The following MTUS2 variants were observed in gnomAD, a reference collection of about 807,000 sequenced individuals.
The protein encoded by MTUS2 is microtubule associated scaffold protein 2.
Under a neutral mutation model 114.1 loss-of-function variants are expected in MTUS2, and 40 were observed. The observed-to-expected ratio is 0.35, with a 90% CI of 0.27 to 0.46. The LOEUF is 0.46. MTUS2 is among the 20% of genes least tolerant of loss of function. The pLI is 1.00. For missense variants in MTUS2, 1,679 were observed against 1,705.4 expected (o/e 0.98, Z 0.27); for synonymous variants, 688 against 672.0 (o/e 1.02, Z -0.37).
At chr13:29,451,030 A>T (rs1430649963) in intron 9 of MTUS2, among the ~76,000 whole-genome samples, 1 of 152,230 alleles carries the variant, frequency 6.6e-6, no homozygotes, top group African/African-American at 2.4e-5. Flanking sequence ...GTAACAATAG[A>T]AAAAGCAGGC....
chr13:28,887,426 G>A (rs771786815), intron 2 of MTUS2, among the ~76,000 whole-genome samples: 2 of 152,320 alleles, frequency 1.3e-5, no homozygotes, highest in South Asian at 4.1e-4. Flanking sequence ...TCTGCTCTGT[G>A]GCAGCCCTCA....
At chr13:29,195,761 A>T (rs1045677902) in intron 5 of MTUS2, among the ~76,000 whole-genome samples, 8 of 152,144 alleles carry the variant, frequency 5.3e-5, no homozygotes, top group African/African-American at 1.9e-4. Flanking sequence ...CATGAGGGGA[A>T]ACAATCTCAG....
chr13:29,271,396 C>T (rs1229143173), intron 5 of MTUS2, among the ~76,000 whole-genome samples: 2 of 152,236 alleles, frequency 1.3e-5, no homozygotes, highest in Admixed American at 1.3e-4. Flanking sequence ...GCTTGCCAAT[C>T]ATGCACTTCC....
At chr13:29,407,298 T>C (rs1874833789) in intron 8 of MTUS2, among the ~76,000 whole-genome samples, 1 of 152,030 alleles carries the variant, frequency 6.6e-6, no homozygotes. Flanking sequence ...CTATTAAAAA[T>C]GAGCTGAACA....
intron 8 of MTUS2, among the ~76,000 whole-genome samples, chr13:29,361,178 C>G (rs529016690): frequency 4.2e-4 from 64 of 152,290 alleles, no homozygotes; most frequent in African/African-American, 1.3e-3. Context: ...GCATGTGGCT[C>G]TCAAACCAGA....
chr13:29,204,109 G>A (rs1347855941), intron 5 of MTUS2, among the ~76,000 whole-genome samples: 1 of 151,960 alleles, frequency 6.6e-6, no homozygotes. Flanking sequence ...ACAGGTGCCC[G>A]CCACCACGCC....
intron 2 of MTUS2, among the ~76,000 whole-genome samples, chr13:28,978,920 A>G (rs759052434): frequency 4.6e-5 from 7 of 152,150 alleles, no homozygotes; most frequent in Non-Finnish European, 7.3e-5. Context: ...CCTGGGATCT[A>G]CCGCTCCATT....
chr13:28,891,519 G>T (rs904129221), intron 2 of MTUS2, among the ~76,000 whole-genome samples: 3 of 152,174 alleles, frequency 2.0e-5, no homozygotes, highest in Non-Finnish European at 2.9e-5. Flanking sequence ...CTTTGTAAAT[G>T]TTAAGTTCCT....
chr13:28,874,293 C>A (rs1877802002), intron 2 of MTUS2, among the ~76,000 whole-genome samples: 1 of 152,180 alleles, frequency 6.6e-6, no homozygotes, highest in Non-Finnish European at 1.5e-5. Context: ...AACCACCATG[C>A]CCCGCCACTT....
At chr13:29,154,913 C>T (rs1029239128) in intron 5 of MTUS2, among the ~76,000 whole-genome samples, 2 of 152,130 alleles carry the variant, frequency 1.3e-5, no homozygotes, top group Admixed American at 1.3e-4. Context: ...TAGCTATTGG[C>T]ACACAGACAT....
At chr13:29,473,903 A>G (rs949766784) in intron 9 of MTUS2, among the ~76,000 whole-genome samples, 9 of 152,132 alleles carry the variant, frequency 5.9e-5, no homozygotes, top group Non-Finnish European at 1.0e-4. Flanking sequence ...GTGTTGTCTA[A>G]TGCTATTAAA....
At chr13:29,091,801 A>T (rs554468239) in intron 4 of MTUS2, among the ~76,000 whole-genome samples, 1 of 152,356 alleles carries the variant, frequency 6.6e-6, no homozygotes, top group South Asian at 2.1e-4. Context: ...AATTTAGTTC[A>T]GCATTATCTG....
intron 8 of MTUS2, among the ~76,000 whole-genome samples, chr13:29,370,842 C>T (rs1871131610): frequency 6.6e-6 from 1 of 152,216 alleles, no homozygotes. Flanking sequence ...GAGAAACATA[C>T]ACCATGCTAA....
intron 5 of MTUS2, among the ~76,000 whole-genome samples, chr13:29,127,606 C>T (rs1891574472): frequency 6.6e-6 from 1 of 152,162 alleles, no homozygotes; most frequent in African/African-American, 2.4e-5. Context: ...GCTTTGTCAG[C>T]CCCCATAATT....
Position 28,820,358 on chromosome 13 carries a change from G to T in MTUS2, c.-569G>T, listed in dbSNP as rs867253856. On this transcript the variant is annotated 5_prime_UTR_variant, in exon 1 of 16. Transcript: ENST00000612955. ...GCGGGCAGAGGTGATAGCGAGCGCC[G>T]GCGGCTCCAGGTGCGGGGGCGCCCC... 1.1e-4 allele frequency: 16 copies of T among 151,038 alleles called. No individual in the cohort carries two copies. Among genetic ancestry groups the T allele is most frequent in the African/African-American group, 3.9e-4 (16 of 41,324 alleles). The allele number at this position is 151,038 out of a possible 1,614,324, so 9.4% of individuals were successfully genotyped here.
chr13:29,290,592 A>C (rs1311663608), intron 6 of MTUS2, among the ~76,000 whole-genome samples: 1 of 151,904 alleles, frequency 6.6e-6, no homozygotes, highest in Non-Finnish European at 1.5e-5. Flanking sequence ...GGCCTCCCAA[A>C]GTGCTGGGAT....
At chr13:29,118,454 A>T (rs1039923857) in intron 5 of MTUS2, among the ~76,000 whole-genome samples, 4 of 152,142 alleles carry the variant, frequency 2.6e-5, no homozygotes, top group African/African-American at 9.7e-5. Flanking sequence ...GGAGGCATCC[A>T]TGTGTAGCTT....
intron 2 of MTUS2, among the ~76,000 whole-genome samples, chr13:28,955,125 A>G (rs531274534): frequency 2.6e-5 from 4 of 152,318 alleles, no homozygotes; most frequent in Admixed American, 2.6e-4. Context: ...ATAGGATCCA[A>G]AGACTTTGCC....
At chr13:29,365,742 A>G (rs1366366281) in intron 8 of MTUS2, among the ~76,000 whole-genome samples, 1 of 152,188 alleles carries the variant, frequency 6.6e-6, no homozygotes, top group Non-Finnish European at 1.5e-5. Flanking sequence ...CACAGAGCAG[A>G]TGAGGTATGG....
Sources: allele counts gnomAD v4.1 joint callset (sites outside exome capture counted in the v4.1 genomes callset), GRCh38; gene constraint gnomAD v4.1.1; transcripts MANE v1.5; gene names NCBI Gene and HGNC (gene_info 2026-07-23, HGNC 2026-07-21).